The following GBE1 variants were observed in gnomAD, a reference collection of about 807,000 sequenced individuals.
The protein encoded by GBE1 is 1,4-alpha-glucan branching enzyme 1.
GBE1 carries 70 observed loss-of-function variants against 88.8 expected under a neutral mutation model. That is an observed-to-expected ratio of 0.79 (90% confidence interval 0.65 to 0.96). The LOEUF is 0.96. Ranked by LOEUF, GBE1 falls within the 40% of genes least tolerant of loss-of-function variation. GBE1 has a pLI of 0.00. For missense variants in GBE1, 872 were observed against 871.0 expected (o/e 1.00, Z -0.01); for synonymous variants, 284 against 300.1 (o/e 0.95, Z 0.56).
chr3:81,581,755 C>T (rs1489871577), intron 10 of GBE1, among the ~76,000 whole-genome samples: 2 of 151,974 alleles, frequency 1.3e-5, no homozygotes, highest in Non-Finnish European at 2.9e-5. Context: ...AGTTAATTAT[C>T]ATCAAATAAT....
intron 12 of GBE1, among the ~76,000 whole-genome samples, chr3:81,547,147 GCAT>G (rs1272970167): frequency 6.6e-6 from 1 of 151,380 alleles, no homozygotes; most frequent in African/African-American, 2.4e-5. Flanking sequence ...GAGTGGGATT[GCAT>G]TAGACGCCCA....
At chr3:81,506,819 C>T (rs570240961) in intron 14 of GBE1, among the ~76,000 whole-genome samples, 9 of 152,184 alleles carry the variant, frequency 5.9e-5, no homozygotes, top group East Asian at 1.9e-4. Context: ...AACACAGAAA[C>T]GGAAAACCAA....
At chr3:81,614,548 G>A (rs1270622682) in intron 7 of GBE1, among the ~76,000 whole-genome samples, 1 of 152,044 alleles carries the variant, frequency 6.6e-6, no homozygotes, top group African/African-American at 2.4e-5. Context: ...CCAGGAATTT[G>A]AGACTTCTTT....
intron 1 of GBE1, among the ~76,000 whole-genome samples, chr3:81,717,326 A>G (rs1312127924): frequency 3.3e-5 from 5 of 152,190 alleles, no homozygotes; most frequent in Non-Finnish European, 7.3e-5. Context: ...GACAGACAGA[A>G]GCTTTAGGTC....
At chr3:81,658,419 T>C (rs1184200892) in intron 3 of GBE1, among the ~76,000 whole-genome samples, 1 of 152,174 alleles carries the variant, frequency 6.6e-6, no homozygotes, top group Non-Finnish European at 1.5e-5. Context: ...ATTAGAGAAT[T>C]ATAAATATAT....
chr3:81,755,395 A>G lies in GBE1; in HGVS notation c.143+5980T>C, dbSNP rs189846560. 2.7e-3 allele frequency among the ~76,000 whole-genome samples: 399 copies of G among 149,188 alleles called. 1 individual carries two copies. The highest frequency in any genetic ancestry group is 5.5e-3 in the South Asian group (26 of 4,748). ...AATGTAAATTACCATAGCCACTTGG[A>G]AAAAAAAACAGTATAGAAGTTCCTC... On this transcript the variant is annotated intron_variant, in intron 1 of 15. Coordinates refer to ENST00000429644, the MANE Select transcript of GBE1 (RefSeq NM_000158.4).
At chr3:81,581,013 A>T (rs1405789691) in intron 11 of GBE1, among the ~76,000 whole-genome samples, 152 bp downstream of exon 11, 1 of 151,974 alleles carries the variant, frequency 6.6e-6, no homozygotes, top group African/African-American at 2.4e-5. Flanking sequence ...TCCTGTAAAG[A>T]TATATATTAA....
chr3:81,492,713 C>CT lies in GBE1; in HGVS notation c.2053-2251dup, dbSNP rs1559622754. Among the ~76,000 whole-genome samples, 12 of 115,916 alleles carry CT rather than the reference C, an allele frequency of 1.0e-4. No homozygotes were observed. The East Asian group carries it at 1.3e-3, about 12-fold the overall frequency. 76.0% of individuals were successfully genotyped at this position (115,916 alleles called of 152,430 possible). ...CTCCCTTTCTCCCTTTCTTCCTTTC[C>CT]TTCCTTCCTTCCTTCCTTCCTTTTC... On this transcript the variant is annotated intron_variant, in intron 15 of 15. Coordinates refer to ENST00000429644, the MANE Select transcript of GBE1 (RefSeq NM_000158.4).
At chr3:81,715,629 C>T (rs575154321) in intron 1 of GBE1, among the ~76,000 whole-genome samples, 8 of 152,252 alleles carry the variant, frequency 5.3e-5, no homozygotes, top group African/African-American at 1.9e-4. Flanking sequence ...CATGGTACTA[C>T]ACAAGAAAGA....
chr3:81,663,856 G>A (rs1451428006), intron 3 of GBE1, among the ~76,000 whole-genome samples: 2 of 152,254 alleles, frequency 1.3e-5, no homozygotes, highest in Non-Finnish European at 1.5e-5. Flanking sequence ...CCCCCATCGC[G>A]CGCCCTGTGA....
chr3:81,663,749 C>T (rs770714958), intron 3 of GBE1, among the ~76,000 whole-genome samples: 1 of 152,106 alleles, frequency 6.6e-6, no homozygotes, highest in Non-Finnish European at 1.5e-5. Flanking sequence ...TAAACATTCA[C>T]CCCCAGGCAC....
chr3:81,608,880 G>A (rs971068020), intron 7 of GBE1, among the ~76,000 whole-genome samples: 1 of 152,004 alleles, frequency 6.6e-6, no homozygotes, highest in Non-Finnish European at 1.5e-5. Context: ...GACATAAGAC[G>A]GATTAACAGG....
intron 1 of GBE1, among the ~76,000 whole-genome samples, chr3:81,737,291 ATATT>A (rs1246182075): frequency 2.8e-4 from 40 of 141,276 alleles, no homozygotes; most frequent in Non-Finnish European, 4.2e-4. Flanking sequence ...TTCAAAATAA[ATATT>A]TATATAAATA....
At position 81,671,982 on chromosome 3, in the gene GBE1, GA is replaced by G. The variant is rs1705196879; in HGVS notation, c.314-1030del. ...ATGAGACAAAGAAAACAAATCAAGAGAAAAATTGATAAAAAATATATTCAGG... is the reference window on the plus strand; with the variant it reads ...ATGAGACAAAGAAAACAAATCAAGAGAAAATTGATAAAAAATATATTCAGG... On this transcript the variant is annotated intron_variant, in intron 2 of 15. Transcript: ENST00000429644. 2.0e-5 allele frequency among the ~76,000 whole-genome samples: 3 copies of G among 151,790 alleles called. No homozygotes were observed. The South Asian group carries it at 6.2e-4, about 32-fold the overall frequency.
At chr3:81,527,233 A>G (rs1702954993) in intron 14 of GBE1, among the ~76,000 whole-genome samples, 1 of 152,200 alleles carries the variant, frequency 6.6e-6, no homozygotes, top group South Asian at 2.1e-4. Context: ...GATGGATTAA[A>G]TATTTACATG....
chr3:81,502,113 G>A (rs1702594657), intron 14 of GBE1, among the ~76,000 whole-genome samples: 1 of 150,952 alleles, frequency 6.6e-6, no homozygotes, highest in Non-Finnish European at 1.5e-5. Flanking sequence ...TAAAAATCAT[G>A]TGTCCATCAT....
chr3:81,749,129 TATAC>T (rs1706460015), intron 1 of GBE1, among the ~76,000 whole-genome samples: 1 of 151,914 alleles, frequency 6.6e-6, no homozygotes, highest in African/African-American at 2.4e-5. Context: ...AAATAAAACC[TATAC>T]ATAAATATTC....
At chr3:81,546,234 AAACTCACACACACACT>A (rs905390653) in intron 12 of GBE1, among the ~76,000 whole-genome samples, 3 of 151,636 alleles carry the variant, frequency 2.0e-5, no homozygotes, top group African/African-American at 4.9e-5. Flanking sequence ...ACACACACAC[AAACTCACACACACACT>A]AACTCACACA....
intron 2 of GBE1, 48 bp downstream of exon 2, chr3:81,705,392 TTAAA>T (rs1482601599): frequency 1.4e-5 from 17 of 1,223,320 alleles, no homozygotes; most frequent in South Asian, 1.6e-5. Context: ...AATATATGTA[TTAAA>T]TAGTTAATAA....
Sources: gnomAD v4.1 joint callset for allele counts (sites outside exome capture counted in the v4.1 genomes callset) on GRCh38, gnomAD v4.1.1 for gene constraint, MANE v1.5 for transcripts, NCBI Gene and HGNC (gene_info 2026-07-23, HGNC 2026-07-21) for gene names.